C1D: variants seen among roughly 807,000 people sequenced by gnomAD.
C1D encodes nuclear nucleic acid-binding protein C1D.
In C1D, 10 loss-of-function variants were observed where a neutral mutation model predicts 17.5. The ratio of observed to expected loss-of-function variants is 0.57; its 90% CI spans 0.35 to 0.97. The LOEUF is 0.97. C1D is among the 50% of genes least tolerant of loss of function. C1D has a pLI of 0.01. For synonymous variants in C1D, 49 were observed against 54.0 expected (o/e 0.91, Z 0.40); for missense variants, 136 against 160.1 (o/e 0.85, Z 0.81).
chr2:68,059,521 A>G (rs528491679), intron 1 of C1D, among the ~76,000 whole-genome samples: 142 of 152,346 alleles, frequency 9.3e-4, no homozygotes, highest in African/African-American at 3.2e-3. Context: ...TTCTCTGAAT[A>G]TAACTGTAAT....
At chr2:68,061,125 T>G (rs987414969) in intron 1 of C1D, among the ~76,000 whole-genome samples, 1 of 152,222 alleles carries the variant, frequency 6.6e-6, no homozygotes, top group African/African-American at 2.4e-5. Context: ...TGATTGTTTT[T>G]TGGAATTTGA....
intron 1 of C1D, among the ~76,000 whole-genome samples, chr2:68,050,224 T>C (rs548147087): frequency 6.6e-6 from 1 of 152,200 alleles, no homozygotes; most frequent in East Asian, 1.9e-4. Flanking sequence ...CTCCAGTTTG[T>C]CATGTATCAA....
intron 1 of C1D, among the ~76,000 whole-genome samples, chr2:68,047,573 T>C (rs371914814): frequency 8.7e-4 from 132 of 152,272 alleles, no homozygotes; most frequent in African/African-American, 2.9e-3. Flanking sequence ...CTCAACATTT[T>C]TGTTTTGTTT....
At chr2:68,046,748 C>T (rs1391501112) in intron 2 of C1D, among the ~76,000 whole-genome samples, 1 of 152,132 alleles carries the variant, frequency 6.6e-6, no homozygotes, top group East Asian at 1.9e-4. Flanking sequence ...TCAATATAAA[C>T]ATTGTACATG....
rs1404069080 is a variant in C1D, at chr2:68,041,884, T to C, written c.*1005A>G. ...GGGCTTAGACATTTAAAAAAAGGTT[T>C]ACTATGTAGTACTCTCTGTAACTAA... On this transcript the variant is annotated 3_prime_UTR_variant, in exon 5 of 5. Coordinates refer to ENST00000410067, the MANE Select transcript of C1D (RefSeq NM_173177.3). 1 of 152,076 alleles carries C rather than the reference T, an allele frequency of 6.6e-6. No homozygotes were observed. The highest frequency in any genetic ancestry group is 2.4e-5 in the African/African-American group (1 of 41,474). The allele number at this position is 152,076 out of a possible 1,614,324, so 9.4% of individuals were successfully genotyped here.
At chr2:68,049,210 A>G (rs1330016176) in intron 1 of C1D, among the ~76,000 whole-genome samples, 7 of 152,004 alleles carry the variant, frequency 4.6e-5, no homozygotes, top group Non-Finnish European at 7.4e-5. Context: ...AAAAAAAAAA[A>G]AAGAGCAAAT....
chr2:68,053,633 T>C (rs767359495), intron 1 of C1D, among the ~76,000 whole-genome samples: 1 of 152,160 alleles, frequency 6.6e-6, no homozygotes, highest in Non-Finnish European at 1.5e-5. Flanking sequence ...TCTGCAACAG[T>C]TCCCTCCCAC....
At chr2:68,062,514 T>C (rs1368755863) in intron 1 of C1D, among the ~76,000 whole-genome samples, 1 of 152,208 alleles carries the variant, frequency 6.6e-6, no homozygotes, top group African/African-American at 2.4e-5. Context: ...TCTGTGAATG[T>C]GAATGATAAA....
chr2:68,048,547 TATTTAAATATTTAGTGACAACATATCA>T (rs1671197966), intron 1 of C1D, among the ~76,000 whole-genome samples: 1 of 152,226 alleles, frequency 6.6e-6, no homozygotes, highest in Non-Finnish European at 1.5e-5. Flanking sequence ...TGAAAAGTAC[TATTTAAATATTTAGTGACAACATATCA>T]ACATTTTTTC....
rs540623850 is a variant in C1D at position 68,046,424 on chromosome 2, AAG to A, written c.139-16_139-15del. ...AAGTGGATCCAACTGTTAAAAAAGAAAGAGAGAGGGAAAGAGAGAAAGTGAGA... is the reference window on the plus strand; with the variant it reads ...AAGTGGATCCAACTGTTAAAAAAGAAAGAGAGGGAAAGAGAGAAAGTGAGA... On this transcript the variant is annotated splice_polypyrimidine_tract_variant and intron_variant, in intron 2 of 4. Transcript: ENST00000410067. The A allele has an allele frequency of 1.8e-4, 285 of 1,593,186 alleles. No individual in the cohort carries two copies. The African/African-American group carries it at 2.1e-3, about 12-fold the overall frequency.
At chr2:68,061,741 T>G (rs531351858) in intron 1 of C1D, among the ~76,000 whole-genome samples, 1 of 152,346 alleles carries the variant, frequency 6.6e-6, no homozygotes, top group Admixed American at 6.5e-5. Flanking sequence ...TTTAGAGCCA[T>G]GCTTGAAGGG....
chr2:68,052,907 T>C (rs1339715833), intron 1 of C1D, among the ~76,000 whole-genome samples: 1 of 152,214 alleles, frequency 6.6e-6, no homozygotes, highest in East Asian at 1.9e-4. Flanking sequence ...AGCAAACTCT[T>C]GAATAGCACT....
chr2:68,058,451 G>C (rs578204206), intron 1 of C1D, among the ~76,000 whole-genome samples: 1 of 152,222 alleles, frequency 6.6e-6, no homozygotes, highest in Non-Finnish European at 1.5e-5. Flanking sequence ...TGACAGAGAT[G>C]AATTAAGCAG....
intron 1 of C1D, among the ~76,000 whole-genome samples, chr2:68,062,224 G>T (rs1021555692): frequency 6.6e-6 from 1 of 152,212 alleles, no homozygotes; most frequent in Middle Eastern, 3.4e-3. Flanking sequence ...AAAAAATCAC[G>T]GTTAAGTCTT....
intron 1 of C1D, among the ~76,000 whole-genome samples, chr2:68,057,121 G>C (rs1671461512): frequency 6.6e-6 from 1 of 152,108 alleles, no homozygotes; most frequent in South Asian, 2.1e-4. Flanking sequence ...GTGAACAAAA[G>C]TTGAAGAACA....
intron 1 of C1D, among the ~76,000 whole-genome samples, chr2:68,051,491 C>A (rs1050237624): frequency 1.3e-5 from 2 of 152,198 alleles, no homozygotes; most frequent in African/African-American, 4.8e-5. Context: ...GACCCCAACT[C>A]TATTTTTAAA....
rs540029640 is a variant in C1D at position 68,062,714 on chromosome 2, A to G, written c.-10+244T>C. Among the ~76,000 whole-genome samples, 5 of 152,256 alleles carry G rather than the reference A, an allele frequency of 3.3e-5. 1 individual carries two copies. The South Asian group carries it at 1.0e-3, about 32-fold the overall frequency. On this transcript the variant is annotated intron_variant, in intron 1 of 4. Transcript: ENST00000410067. ...AGAAAAAGAGAGAGACCGGAGCAAA[A>G]GAGAGAAATGAGGGGCCGGGGTAAG...
intron 1 of C1D, among the ~76,000 whole-genome samples, chr2:68,050,442 C>G (rs752432591): frequency 1.3e-5 from 2 of 152,152 alleles, no homozygotes; most frequent in Admixed American, 1.3e-4. Context: ...AAATCTCCTA[C>G]AAACATACCT....
Position 68,042,832 on chromosome 2 carries a change from G to GGGGT in C1D, c.*56_*57insACCC. The GGGGT allele has an allele frequency of 5.1e-5, 2 of 39,308 alleles. No homozygotes were observed. Among genetic ancestry groups the GGGGT allele is most frequent in the Non-Finnish European group, 9.2e-5 (2 of 21,768 alleles). The allele number at this position is 39,308 out of a possible 1,614,324, so 2.4% of individuals were successfully genotyped here. A position where few individuals can be genotyped will look rare whatever the true frequency, so the allele number is the denominator to read the frequency against. ...CCCTGCCACAGAATTATTTTGCGGG[G>GGGGT]GGGGGGGGGGGGGGGAAGATGTACT... On this transcript the variant is annotated 3_prime_UTR_variant, in exon 5 of 5. Transcript: ENST00000410067.
Sources: allele counts gnomAD v4.1 joint callset (sites outside exome capture counted in the v4.1 genomes callset), GRCh38; gene constraint gnomAD v4.1.1; transcripts MANE v1.5; gene names NCBI Gene and HGNC (gene_info 2026-07-23, HGNC 2026-07-21).